RALB: variants seen among roughly 807,000 people sequenced by gnomAD.
RALB encodes RAS like proto-oncogene B.
RALB carries 16 observed loss-of-function variants against 21.3 expected under a neutral mutation model. That is an observed-to-expected ratio of 0.75 (90% CI 0.51 to 1.14). The LOEUF (loss-of-function observed/expected upper bound fraction) is 1.14, where lower values mean the gene tolerates loss of function less well. Ranked by LOEUF, RALB falls within the 50% of genes most tolerant of loss-of-function variation. The pLI is 0.00. For synonymous variants in RALB, 93 were observed against 96.1 expected (o/e 0.97, Z 0.19); for missense variants, 161 against 256.2 (o/e 0.63, Z 2.54).
chr2:120,274,623 A>C (rs1267014190), intron 1 of RALB, among the ~76,000 whole-genome samples: 1 of 152,218 alleles, frequency 6.6e-6, no homozygotes, highest in Non-Finnish European at 1.5e-5. Flanking sequence ...GGTATAGATA[A>C]AATTCTGGTA....
At chr2:120,282,863 C>T (rs963763122) in intron 2 of RALB, among the ~76,000 whole-genome samples, 1 of 152,156 alleles carries the variant, frequency 6.6e-6, no homozygotes, top group Non-Finnish European at 1.5e-5. Flanking sequence ...TGTTCTGTAT[C>T]TATACTGTCC....
At chr2:120,275,392 T>C (rs1430841643) in intron 1 of RALB, among the ~76,000 whole-genome samples, 1 of 152,234 alleles carries the variant, frequency 6.6e-6, no homozygotes, top group Admixed American at 6.5e-5. Flanking sequence ...TTGGGGATCC[T>C]TACTTTCTTT....
intron 3 of RALB, among the ~76,000 whole-genome samples, chr2:120,288,850 T>C (rs1394783471): frequency 2.0e-5 from 3 of 152,172 alleles, no homozygotes; most frequent in East Asian, 1.9e-4. Context: ...GCCTAACATA[T>C]CTGTCTCGAT....
rs1250361447 is a variant in RALB at position 120,294,533 on chromosome 2, A to G, written c.*1273A>G. 1 of 332,242 alleles carries G rather than the reference A, an allele frequency of 3.0e-6. No homozygotes were observed. The highest frequency in any genetic ancestry group is 2.1e-5 in the African/African-American group (1 of 47,204). 20.6% of individuals were successfully genotyped at this position (332,242 alleles called of 1,614,324 possible). ...TATTCACATTTTTTCCCCATTTTTC[A>G]GAAGCGACATTTCATATATAGGTGC... is the stretch of plus-strand genomic sequence containing the variant. On this transcript the variant is annotated 3_prime_UTR_variant, in exon 5 of 5. Coordinates refer to ENST00000272519, the MANE Select transcript of RALB (RefSeq NM_002881.3).
At chr2:120,288,014 A>C (rs1038142204) in intron 3 of RALB, among the ~76,000 whole-genome samples, 2 of 152,204 alleles carry the variant, frequency 1.3e-5, no homozygotes, top group African/African-American at 4.8e-5. Flanking sequence ...TCTTCCTTGA[A>C]ACTTTTTCTG....
intron 2 of RALB, 77 bp downstream of exon 2, chr2:120,278,855 C>T (rs184930005): frequency 1.3e-5 from 17 of 1,331,204 alleles, no homozygotes; most frequent in Admixed American, 9.2e-5. Flanking sequence ...GTTTCTGTGC[C>T]GGTCCTCCCG....
chr2:120,266,217 C>T (rs1053177827), intron 1 of RALB, among the ~76,000 whole-genome samples: 1 of 152,088 alleles, frequency 6.6e-6, no homozygotes, highest in Non-Finnish European at 1.5e-5. Context: ...GAGTTTGAGA[C>T]CAGCCTGGAC....
In RALB at chr2:120,294,476, AT is replaced by A. The variant is rs1195289870; in HGVS notation, c.*1217del. ...AAATTGAGCAAACTGAAAGATTTTC[AT>A]CAGGAAAGGAGCACTGTGGGAAGAG... is the stretch of plus-strand genomic sequence containing the variant. On this transcript the variant is annotated 3_prime_UTR_variant, in exon 5 of 5. Coordinates refer to ENST00000272519, the MANE Select transcript of RALB (RefSeq NM_002881.3). 2.6e-6 allele frequency: 1 copy of A among 387,926 alleles called. No homozygotes were observed. The highest frequency in any genetic ancestry group is 3.7e-5 in the East Asian group (1 of 27,260). 24.0% of individuals were successfully genotyped at this position (387,926 alleles called of 1,614,324 possible).
upstream of RALB, among the ~76,000 whole-genome samples, chr2:120,250,232 G>A (rs562352974): frequency 2.2e-4 from 33 of 152,316 alleles, no homozygotes; most frequent in African/African-American, 5.8e-4. Flanking sequence ...ACATCGTAGT[G>A]TCTTCAAACC....
intron 4 of RALB, among the ~76,000 whole-genome samples, chr2:120,291,403 C>G (rs774050385): frequency 1.3e-5 from 2 of 152,044 alleles, no homozygotes; most frequent in Non-Finnish European, 2.9e-5. Context: ...CTGTGGAAAC[C>G]ACACAGGAAA....
chr2:120,249,034 CTTTT>C (rs34646056), upstream of RALB, among the ~76,000 whole-genome samples: 1 of 136,778 alleles, frequency 7.3e-6, no homozygotes, highest in Non-Finnish European at 1.6e-5. Context: ...TTGTGTTAGT[CTTTT>C]TTTTTTTTTT....
chr2:120,263,433 C>T (rs1689421942), intron 1 of RALB, among the ~76,000 whole-genome samples: 1 of 152,220 alleles, frequency 6.6e-6, no homozygotes, highest in South Asian at 2.1e-4. Context: ...GTTGGGATTA[C>T]AGGCATAAGC....
At chr2:120,242,282 A>C (rs1458661631) in intron 1 of RALB, among the ~76,000 whole-genome samples, 2 of 152,180 alleles carry the variant, frequency 1.3e-5, no homozygotes, top group African/African-American at 4.8e-5. Flanking sequence ...GTGAGTGTTC[A>C]ATGGGTGTAG....
intron 1 of RALB, among the ~76,000 whole-genome samples, chr2:120,265,110 C>G (rs1260998388): frequency 2.0e-5 from 3 of 152,146 alleles, no homozygotes; most frequent in Non-Finnish European, 2.9e-5. Context: ...GTATATACAG[C>G]CACGCATCAC....
chr2:120,257,319 G>A (rs1370380), intron 1 of RALB, among the ~76,000 whole-genome samples: 105,585 of 152,000 alleles, frequency 0.69, 37,264 homozygotes, highest in Middle Eastern at 0.8. Context: ...TTGCCTAGCA[G>A]TTCTTCAGTT....
intron 1 of RALB, among the ~76,000 whole-genome samples, chr2:120,254,800 C>T (rs1366844863): frequency 6.6e-6 from 1 of 152,158 alleles, no homozygotes; most frequent in East Asian, 1.9e-4. Flanking sequence ...ACCTCAGCCT[C>T]CCGAGTAGCT....
At chr2:120,278,523 G>T in intron 1 of RALB, 95 bp from the exon 2 acceptor site, 2 of 1,170,602 alleles carry the variant, frequency 1.7e-6, no homozygotes, top group South Asian at 3.9e-5. Context: ...GGAATGTCTG[G>T]GTTAGTTAGG....
At chr2:120,278,324 T>G (rs1405769515) in intron 1 of RALB, among the ~76,000 whole-genome samples, 9 of 131,328 alleles carry the variant, frequency 6.9e-5, no homozygotes, top group Admixed American at 6.8e-4. Flanking sequence ...GAGGCCCTGC[T>G]GAGGGTCTGA....
intron 1 of RALB, chr2:120,253,201 T>A: frequency 3.0e-6 from 1 of 329,388 alleles, no homozygotes; most frequent in Non-Finnish European, 4.3e-6. Context: ...CTGGGCTGCC[T>A]GGGGCTGAGG....
Sources: allele counts gnomAD v4.1 joint callset (sites outside exome capture counted in the v4.1 genomes callset), GRCh38; gene constraint gnomAD v4.1.1; transcripts MANE v1.5; gene names NCBI Gene and HGNC (gene_info 2026-07-23, HGNC 2026-07-21).